Variants in DRC11 observed in about 807,000 individuals in gnomAD.
DRC11 encodes the protein IQ and AAA domain-containing protein 1.
the DRC11 span, among the ~76,000 whole-genome samples, chr2:236,438,944 T>C: frequency 6.7e-6 from 1 of 149,190 alleles, no homozygotes; most frequent in Admixed American, 6.7e-5. Flanking sequence ...ACATGGAAAC[T>C]GAACAACCTG....
the DRC11 span, among the ~76,000 whole-genome samples, chr2:236,506,935 C>A: frequency 6.6e-6 from 1 of 152,156 alleles, no homozygotes; most frequent in Non-Finnish European, 1.5e-5. This position sits in a 1 kb window ranked among gnomAD's most constrained non-coding sequence, Gnocchi z 4.9. Flanking sequence ...AAAAAGCAGA[C>A]AAAATGGCAT....
chr2:236,459,498 T>TATGTATACGTATACGTATACATGTATAC, the DRC11 span, among the ~76,000 whole-genome samples: 129 of 123,166 alleles, frequency 1.0e-3, 2 homozygotes, highest in South Asian at 2.3e-3. Context: ...TATACGTATA[T>TATGTATACGTATACGTATACATGTATAC]ATGTATACGT....
chr2:236,357,041 A>ATATATTATATATTTATATATTCG, the DRC11 span, among the ~76,000 whole-genome samples: 1 of 64,530 alleles, frequency 1.5e-5, no homozygotes, highest in African/African-American at 5.9e-5. Context: ...TTATATATTC[A>ATATATTATATATTTATATATTCG]TATATTATAT....
the DRC11 span, chr2:236,392,228 A>G: frequency 6.5e-7 from 1 of 1,536,426 alleles, no homozygotes; most frequent in Non-Finnish European, 9.0e-7. The surrounding 1 kb of genome is among the most constrained non-coding windows in gnomAD (Gnocchi z 5.1). Flanking sequence ...TTACTACACC[A>G]TAAACGTAGC....
chr2:236,329,681 C>A, the DRC11 span, among the ~76,000 whole-genome samples: 2 of 152,076 alleles, frequency 1.3e-5, no homozygotes. Context: ...TGAATGTGTC[C>A]CTAAACAAAT....
the DRC11 span, among the ~76,000 whole-genome samples, chr2:236,421,657 C>G: frequency 2.6e-5 from 4 of 152,212 alleles, no homozygotes; most frequent in African/African-American, 9.7e-5. Context: ...ACCATTCCTT[C>G]TGAAACTATT....
chr2:236,400,967 G>T, the DRC11 span, among the ~76,000 whole-genome samples: 1 of 152,146 alleles, frequency 6.6e-6, no homozygotes, highest in Non-Finnish European at 1.5e-5. The surrounding 1 kb of genome is among the most constrained non-coding windows in gnomAD (Gnocchi z 7.9). Context: ...TCCAAGGTTG[G>T]CTAACGCAGG....
chr2:236,325,346 A>G, the DRC11 span, among the ~76,000 whole-genome samples: 2 of 152,208 alleles, frequency 1.3e-5, no homozygotes, highest in Admixed American at 1.3e-4. This position sits in a 1 kb window ranked among gnomAD's most constrained non-coding sequence, Gnocchi z 4.4. Flanking sequence ...TTGCAGGATT[A>G]TATTACATGT....
chr2:236,312,360 T>C, the DRC11 span, among the ~76,000 whole-genome samples: 1 of 152,174 alleles, frequency 6.6e-6, no homozygotes, highest in Non-Finnish European at 1.5e-5. Context: ...AAAAAAAATA[T>C]TGTATTCTAA....
At chr2:236,321,296 A>G in the DRC11 span, among the ~76,000 whole-genome samples, 54 of 152,346 alleles carry the variant, frequency 3.5e-4, 1 homozygote, top group Middle Eastern at 3.4e-3. Context: ...GTATATCTAT[A>G]AAGTGGGGTA....
At chr2:236,437,894 C>T in the DRC11 span, among the ~76,000 whole-genome samples, 1 of 143,182 alleles carries the variant, frequency 7.0e-6, no homozygotes, top group Non-Finnish European at 1.5e-5. Flanking sequence ...TTGTAGGTTG[C>T]CTGTTCACTC....
the DRC11 span, chr2:236,465,565 T>C: frequency 6.2e-7 from 1 of 1,614,016 alleles, no homozygotes; most frequent in Non-Finnish European, 8.5e-7. The surrounding 1 kb of genome is among the most constrained non-coding windows in gnomAD (Gnocchi z 6.2). Context: ...ATCCACGCCT[T>C]CTATCAACTT....
the DRC11 span, among the ~76,000 whole-genome samples, chr2:236,333,933 G>C: frequency 3.3e-5 from 5 of 152,312 alleles, no homozygotes; most frequent in African/African-American, 7.2e-5. The surrounding 1 kb of genome is among the most constrained non-coding windows in gnomAD (Gnocchi z 6.0). Context: ...AGACCAACAA[G>C]GGCCAGAGGG....
chr2:236,446,269 C>T, the DRC11 span, among the ~76,000 whole-genome samples: 14 of 152,084 alleles, frequency 9.2e-5, no homozygotes, highest in Admixed American at 3.3e-4. The surrounding 1 kb of genome is among the most constrained non-coding windows in gnomAD (Gnocchi z 6.2). Context: ...GGGCTCAGCA[C>T]GCTACACGAG....
chr2:236,367,315 T>C, the DRC11 span, among the ~76,000 whole-genome samples: 1 of 148,302 alleles, frequency 6.7e-6, no homozygotes, highest in African/African-American at 2.4e-5. The surrounding 1 kb of genome is among the most constrained non-coding windows in gnomAD (Gnocchi z 4.8). Context: ...ATATTATATA[T>C]ATATAAATGT....
At chr2:236,464,882 C>G in the DRC11 span, among the ~76,000 whole-genome samples, 11 of 152,164 alleles carry the variant, frequency 7.2e-5, no homozygotes, top group Admixed American at 7.2e-4. Context: ...ATTTGACGTG[C>G]CTTCTCCTGC....
At chr2:236,391,746 C>T in the DRC11 span, among the ~76,000 whole-genome samples, 19 of 152,230 alleles carry the variant, frequency 1.2e-4, no homozygotes, top group East Asian at 1.9e-4. The surrounding 1 kb of genome is among the most constrained non-coding windows in gnomAD (Gnocchi z 4.5). Flanking sequence ...TGCAACTGAC[C>T]GGGGCTGGGG....
the DRC11 span, among the ~76,000 whole-genome samples, chr2:236,350,344 C>G: frequency 6.6e-6 from 1 of 152,210 alleles, no homozygotes; most frequent in African/African-American, 2.4e-5. The surrounding 1 kb of genome is among the most constrained non-coding windows in gnomAD (Gnocchi z 5.2). Flanking sequence ...TGGGGGCACA[C>G]AGGGTTGTAC....
chr2:236,357,969 AATAT>A, the DRC11 span, among the ~76,000 whole-genome samples: 1 of 111,712 alleles, frequency 9.0e-6, no homozygotes, highest in Non-Finnish European at 1.7e-5. Context: ...ATAATATATG[AATAT>A]ATACTCATAT....
Sources: gnomAD v4.1 joint callset for allele counts (sites outside exome capture counted in the v4.1 genomes callset) on GRCh38, gnomAD v4.1.1 for gene constraint, Gnocchi (gnomAD v3.1) non-coding constraint, MANE v1.5 for transcripts, NCBI Gene and HGNC (gene_info 2026-07-23, HGNC 2026-07-21) for gene names.